Variants in WDR25 observed in about 807,000 individuals in gnomAD.
The protein encoded by WDR25 is WD repeat-containing protein 25.
A neutral mutation model predicts 47.7 loss-of-function variants in WDR25; 35 were observed. The ratio of observed to expected loss-of-function variants is 0.73; its 90% CI spans 0.56 to 0.97. The LOEUF (loss-of-function observed/expected upper bound fraction) is 0.97, where lower values mean the gene tolerates loss of function less well. WDR25 is among the 50% of genes least tolerant of loss of function. The pLI, the probability that WDR25 is intolerant of heterozygous loss-of-function variation, is 0.00. For synonymous variants in WDR25, 248 were observed against 278.9 expected, an observed-to-expected ratio of 0.89 and a Z score of 1.10; for missense variants, 634 against 704.7, an observed-to-expected ratio of 0.90 and a Z score of 1.14.
intron 2 of WDR25, among the ~76,000 whole-genome samples, chr14:100,420,907 G>A (rs769888359): frequency 6.6e-6 from 1 of 152,196 alleles, no homozygotes; most frequent in African/African-American, 2.4e-5. Context: ...CTGTCCCACT[G>A]TCCTGGATGT....
intron 1 of WDR25, chr14:100,376,902 AT>A: frequency 2.4e-6 from 1 of 418,682 alleles, no homozygotes; most frequent in Non-Finnish European, 3.5e-6. Context: ...TTCCAGAAAT[AT>A]TTTTAGACGC....
At chr14:100,489,848 A>T (rs905982168) in intron 4 of WDR25, among the ~76,000 whole-genome samples, 4 of 152,138 alleles carry the variant, frequency 2.6e-5, no homozygotes, top group Non-Finnish European at 5.9e-5. Flanking sequence ...TAAAACCCCG[A>T]TTCTCTGCTC....
chr14:100,421,865 A>G (rs927029352), intron 2 of WDR25, among the ~76,000 whole-genome samples: 1 of 152,182 alleles, frequency 6.6e-6, no homozygotes, highest in Non-Finnish European at 1.5e-5. Context: ...TTATCTCTCT[A>G]TCCATCCATC....
chr14:100,395,772 G>C (rs994829744), intron 2 of WDR25, among the ~76,000 whole-genome samples: 2 of 152,096 alleles, frequency 1.3e-5, no homozygotes, highest in African/African-American at 4.8e-5. Context: ...TGCTCTTTGT[G>C]GGCCTACTTG....
chr14:100,497,166 G>A (rs1030304925), intron 4 of WDR25, among the ~76,000 whole-genome samples: 4 of 152,172 alleles, frequency 2.6e-5, no homozygotes, highest in African/African-American at 9.7e-5. Flanking sequence ...AATATAGCCT[G>A]CAGTGTTGAA....
At chr14:100,418,761 G>A (rs999242557) in intron 2 of WDR25, among the ~76,000 whole-genome samples, 5 of 149,884 alleles carry the variant, frequency 3.3e-5, no homozygotes, top group Admixed American at 1.3e-4. Context: ...TTGGGGTGGC[G>A]GTGGCGGGGG....
chr14:100,450,257 G>A (rs932818051), intron 2 of WDR25, among the ~76,000 whole-genome samples: 1 of 152,080 alleles, frequency 6.6e-6, no homozygotes, highest in Non-Finnish European at 1.5e-5. Context: ...CACACTGGCC[G>A]CCAGTCCCCC....
At chr14:100,398,955 A>G (rs920262757) in intron 2 of WDR25, among the ~76,000 whole-genome samples, 2 of 151,348 alleles carry the variant, frequency 1.3e-5, no homozygotes, top group Admixed American at 6.6e-5. Context: ...TCCTAGTTCA[A>G]TCATGAACAA....
rs113923015 is a variant in WDR25 at position 100,412,429 on chromosome 14, C to T, written c.822+30683C>T. 7.8e-3 allele frequency among the ~76,000 whole-genome samples: 1,187 copies of T among 152,142 alleles called. 9 individuals are homozygous for T. Among genetic ancestry groups the T allele is most frequent in the African/African-American group, 0.023 (970 of 41,486 alleles). On this transcript the variant is annotated intron_variant, in intron 2 of 6. Transcript: ENST00000402312. The stretch of plus-strand genomic sequence containing the variant: ...CGTGTCTTTAGGAGTGGTGAAAACA[C>T]GGCTCTTGGAGACGTCTAGGGAGAG...
At position 100,430,357 on chromosome 14, in the gene WDR25, G is replaced by A. The variant is rs1468823126; in HGVS notation, c.823-37664G>A. Among the ~76,000 whole-genome samples the A allele has an allele frequency of 6.6e-6, 1 of 152,132 alleles. No homozygotes were observed. The highest frequency in any genetic ancestry group is 1.9e-4 in the East Asian group (1 of 5,192). On this transcript the variant is annotated intron_variant, in intron 2 of 6. Coordinates refer to ENST00000402312, the MANE Select transcript of WDR25 (RefSeq NM_001161476.3). This position sits in a 1 kb window ranked among gnomAD's most constrained non-coding sequence, Gnocchi z 4.7. ...GGAGGAATTGTGACATTTGCCCTAG[G>A]TGATGGGGTGCTGCTACTGGGGCCA...
intron 4 of WDR25, among the ~76,000 whole-genome samples, chr14:100,484,373 G>A (rs1900309260): frequency 1.3e-5 from 2 of 152,182 alleles, no homozygotes; most frequent in Non-Finnish European, 2.9e-5. Flanking sequence ...CACCTACTGT[G>A]CACAAATGCT....
At chr14:100,409,620 G>T (rs1897648708) in intron 2 of WDR25, among the ~76,000 whole-genome samples, 1 of 152,170 alleles carries the variant, frequency 6.6e-6, no homozygotes, top group Non-Finnish European at 1.5e-5. Context: ...AGTAAAGGCT[G>T]TGTTTCCTGA....
intron 1 of WDR25, chr14:100,376,853 C>G: frequency 1.2e-6 from 1 of 868,830 alleles, no homozygotes; most frequent in Non-Finnish European, 1.5e-6. Context: ...TATCCTATTT[C>G]TTTTACTTCC....
chr14:100,429,047 G>A (rs779197474), intron 2 of WDR25, among the ~76,000 whole-genome samples: 9 of 152,166 alleles, frequency 5.9e-5, no homozygotes, highest in Non-Finnish European at 1.3e-4. Flanking sequence ...CCACTGTGCC[G>A]TAGATACTCG....
intron 1 of WDR25, 70 bp from the exon 2 acceptor site, chr14:100,380,840 A>C (rs757015612): frequency 7.2e-7 from 1 of 1,380,226 alleles, no homozygotes; most frequent in East Asian, 2.4e-5. Context: ...CCTAGGTGAC[A>C]TGGTTTCTTA....
intron 2 of WDR25, among the ~76,000 whole-genome samples, chr14:100,420,663 A>G (rs1255088651): frequency 1.3e-5 from 2 of 152,226 alleles, no homozygotes; most frequent in Non-Finnish European, 2.9e-5. Context: ...TATTTGAAGA[A>G]CAGAAAAAGG....
At chr14:100,466,006 G>A (rs1899616845) in intron 2 of WDR25, among the ~76,000 whole-genome samples, 1 of 152,174 alleles carries the variant, frequency 6.6e-6, no homozygotes, top group Non-Finnish European at 1.5e-5. Context: ...ATTTAACCAT[G>A]TAAGCCCTGT....
At position 100,449,763 on chromosome 14, in the gene WDR25, C is replaced by T. The variant is rs1898962004; in HGVS notation, c.823-18258C>T. 6.6e-6 allele frequency among the ~76,000 whole-genome samples: 1 copy of T among 152,208 alleles called. No individual in the cohort carries two copies. The highest frequency in any genetic ancestry group is 1.5e-5 in the Non-Finnish European group (1 of 68,034). The stretch of plus-strand genomic sequence containing the variant: ...TGTCCTGGCTTAGGTGACGCCTCCC[C>T]TCACTTGTAGAGGTGGCACCATCAT... On this transcript the variant is annotated intron_variant, in intron 2 of 6. Transcript: ENST00000402312. This position sits in a 1 kb window ranked among gnomAD's most constrained non-coding sequence, Gnocchi z 4.2.
At chr14:100,524,964 G>C (rs1566949082) in intron 4 of WDR25, among the ~76,000 whole-genome samples, 2 of 152,240 alleles carry the variant, frequency 1.3e-5, no homozygotes, top group Non-Finnish European at 2.9e-5. Flanking sequence ...AAAAAGTCAA[G>C]GTGGCTCATT....
Sources: allele counts gnomAD v4.1 joint callset (sites outside exome capture counted in the v4.1 genomes callset), GRCh38; gene constraint gnomAD v4.1.1; non-coding constraint Gnocchi (gnomAD v3.1); transcripts MANE v1.5; gene names NCBI Gene and HGNC (gene_info 2026-07-23, HGNC 2026-07-21).